APLF: variants seen among roughly 807,000 people sequenced by gnomAD.
APLF encodes the protein aprataxin and PNKP like factor, also known as aprataxin and PNK-like factor.
Under a neutral mutation model 55.6 loss-of-function variants are expected in APLF, and 61 were observed. That is an observed-to-expected ratio of 1.10 (90% CI 0.89 to 1.36). APLF has a LOEUF of 1.36. Ranked by LOEUF, APLF falls within the 40% of genes most tolerant of loss-of-function variation. The probability of loss-of-function intolerance (pLI) is 0.00; values close to 1 mark genes in which losing one functional copy is unlikely to be tolerated. For synonymous variants in APLF, 207 were observed against 214.8 expected (o/e 0.96, Z 0.32); for missense variants, 611 against 602.5 (o/e 1.01, Z -0.15).
intron 1 of APLF, among the ~76,000 whole-genome samples, chr2:68,489,442 A>C (rs1676288461): frequency 1.3e-5 from 2 of 152,208 alleles, no homozygotes; most frequent in Non-Finnish European, 2.9e-5. Context: ...AATCTTAACT[A>C]TTGTATTTAC....
intron 2 of APLF, among the ~76,000 whole-genome samples, chr2:68,502,169 C>T (rs1676742115): frequency 6.6e-6 from 1 of 152,158 alleles, no homozygotes; most frequent in African/African-American, 2.4e-5. Flanking sequence ...TTATGACCTA[C>T]ATGTTAAAGG....
intron 1 of APLF, among the ~76,000 whole-genome samples, chr2:68,481,780 G>A (rs961697203): frequency 2.0e-5 from 3 of 151,790 alleles, no homozygotes; most frequent in Non-Finnish European, 4.4e-5. Flanking sequence ...AAATTCAATC[G>A]GTTTTCTTCA....
chr2:68,467,955 G>A, intron 1 of APLF, 128 bp downstream of exon 1: 1 of 629,142 alleles, frequency 1.6e-6, no homozygotes, highest in Non-Finnish European at 2.3e-6. Context: ...TTAGAAGTTT[G>A]GGGCCGCACG....
chr2:68,516,427 A>G (rs1669580096), intron 5 of APLF, among the ~76,000 whole-genome samples: 1 of 151,174 alleles, frequency 6.6e-6, no homozygotes, highest in Non-Finnish European at 1.5e-5. Context: ...TATTATTATC[A>G]TCACTATTAT....
chr2:68,563,286 T>G (rs553294489), intron 8 of APLF: 76 of 984,800 alleles, frequency 7.7e-5, no homozygotes, highest in Admixed American at 2.5e-4. Flanking sequence ...TTCCCCTTTT[T>G]AAAATATAAA....
At chr2:68,509,510 A>G (rs1455314579) in intron 3 of APLF, among the ~76,000 whole-genome samples, 2 of 152,134 alleles carry the variant, frequency 1.3e-5, no homozygotes, top group East Asian at 1.9e-4. Flanking sequence ...AGTCAAAACC[A>G]CAATGAGATA....
chr2:68,525,298 T>C (rs1480686477), intron 5 of APLF, among the ~76,000 whole-genome samples: 5 of 143,352 alleles, frequency 3.5e-5, no homozygotes, highest in Non-Finnish European at 7.7e-5. Context: ...TCTGTCTCAT[T>C]AAAAAAAAAA....
chr2:68,526,306 A>C, intron 6 of APLF, 64 bp downstream of exon 6: 1 of 1,518,638 alleles, frequency 6.6e-7, no homozygotes, highest in South Asian at 1.2e-5. Context: ...GAAATTAATC[A>C]TATGCTATAT....
At chr2:68,483,483 C>T (rs1422029467) in intron 1 of APLF, among the ~76,000 whole-genome samples, 1 of 152,170 alleles carries the variant, frequency 6.6e-6, no homozygotes, top group Non-Finnish European at 1.5e-5. Flanking sequence ...CAGTGCTTTC[C>T]CTCAGACAAT....
chr2:68,530,028 A>G (rs2103991295), intron 6 of APLF, among the ~76,000 whole-genome samples: 1 of 152,298 alleles, frequency 6.6e-6, no homozygotes, highest in African/African-American at 2.4e-5. Context: ...GTTTCCAAAG[A>G]GAGGACGCGG....
At chr2:68,484,691 G>GAA (rs557801391) in intron 1 of APLF, among the ~76,000 whole-genome samples, 57 of 115,142 alleles carry the variant, frequency 5.0e-4, no homozygotes, top group South Asian at 3.8e-3. Flanking sequence ...AGCTTAGTCT[G>GAA]AAAAAAAAAA....
intron 3 of APLF, among the ~76,000 whole-genome samples, chr2:68,505,098 AT>A (rs993650240): frequency 2.0e-5 from 3 of 152,058 alleles, no homozygotes; most frequent in Admixed American, 6.6e-5. Flanking sequence ...GTGGAAAAAA[AT>A]GTCAGGAAGT....
Position 68,578,042 on chromosome 2 carries a change from T to C in APLF, c.*20T>C, listed in dbSNP as rs1310997593. Reference sequence around the variant, plus strand: ...AAATAGTAACTAACTTCTGTAGTCATATCTGCCTTACATTTACTTTTTCTT... The same window carrying C: ...AAATAGTAACTAACTTCTGTAGTCACATCTGCCTTACATTTACTTTTTCTT... On this transcript the variant is annotated 3_prime_UTR_variant, in exon 10 of 10. Transcript: ENST00000303795. 1.2e-6 allele frequency: 2 copies of C among 1,604,140 alleles called. No individual in the cohort carries two copies. Among genetic ancestry groups the C allele is most frequent in the African/African-American group, 2.7e-5 (2 of 74,332 alleles).
intron 2 of APLF, among the ~76,000 whole-genome samples, chr2:68,497,263 G>T (rs904294220): frequency 6.6e-6 from 1 of 152,028 alleles, no homozygotes; most frequent in Non-Finnish European, 1.5e-5. Context: ...AGAATGGGAG[G>T]GTGATATGGT....
chr2:68,569,280 G>A (rs1303711744), intron 9 of APLF, among the ~76,000 whole-genome samples: 1 of 152,122 alleles, frequency 6.6e-6, no homozygotes, highest in Non-Finnish European at 1.5e-5. Flanking sequence ...CAGGGAAAGG[G>A]AGGGAGTACT....
chr2:68,472,854 A>G (rs1196986536), intron 1 of APLF, among the ~76,000 whole-genome samples: 3 of 152,190 alleles, frequency 2.0e-5, no homozygotes, highest in Non-Finnish European at 4.4e-5. Flanking sequence ...AGTTTTTAAA[A>G]TAGACTTTAT....
At chr2:68,477,201 C>A (rs1214560234) in intron 1 of APLF, among the ~76,000 whole-genome samples, 1 of 152,152 alleles carries the variant, frequency 6.6e-6, no homozygotes, top group Non-Finnish European at 1.5e-5. Context: ...ACATACTGTA[C>A]TTCTGTAATA....
At position 68,579,100 on chromosome 2, in the gene APLF, T is replaced by C. The variant is rs1238025773; in HGVS notation, c.*1078T>C. 3.2e-5 allele frequency: 31 copies of C among 967,344 alleles called. No individual in the cohort carries two copies. Among genetic ancestry groups the C allele is most frequent in the Non-Finnish European group, 3.8e-5 (31 of 813,744 alleles). The allele number at this position is 967,344 out of a possible 1,614,324, so 59.9% of individuals were successfully genotyped here. On this transcript the variant is annotated 3_prime_UTR_variant, in exon 10 of 10. Coordinates refer to ENST00000303795, the MANE Select transcript of APLF (RefSeq NM_173545.3). ...AATCACTAAGCCAAAAGAATCTTTG[T>C]TAAATGCTATTATTTTCTACTCTAA...
intron 1 of APLF, among the ~76,000 whole-genome samples, chr2:68,477,289 A>C (rs575577477): frequency 6.6e-6 from 1 of 152,170 alleles, no homozygotes; most frequent in African/African-American, 2.4e-5. Context: ...TGTGATGTGA[A>C]TCATCTCAGC....
Sources: allele counts gnomAD v4.1 joint callset (sites outside exome capture counted in the v4.1 genomes callset), GRCh38; gene constraint gnomAD v4.1.1; transcripts MANE v1.5; gene names NCBI Gene and HGNC (gene_info 2026-07-23, HGNC 2026-07-21).